Variants in HTR2C observed in about 807,000 individuals in gnomAD.
HTR2C encodes the protein 5-hydroxytryptamine (serotonin) receptor 2C, G protein-coupled.
A neutral mutation model predicts 21.0 loss-of-function variants in HTR2C; 5 were observed. That is an observed-to-expected ratio of 0.24 (90% CI 0.12 to 0.50). HTR2C has a LOEUF of 0.50. Among genes scored for constraint, HTR2C ranks in the 20% least tolerant of loss-of-function variants. HTR2C has a pLI of 0.98. For synonymous variants in HTR2C, 150 were observed against 145.3 expected (o/e 1.03, Z -0.23); for missense variants, 271 against 371.2 (o/e 0.73, Z 2.22).
intron 2 of HTR2C, among the ~76,000 whole-genome samples, chrX:114,656,164 C>T (rs782350472): frequency 9.0e-6 from 1 of 110,697 alleles, no homozygotes; most frequent in Non-Finnish European, 1.9e-5. Flanking sequence ...ATCACAGAAT[C>T]ACCTATCATT....
chrX:114,754,886 G>T (rs1346133890), intron 4 of HTR2C, among the ~76,000 whole-genome samples: 1 of 112,156 alleles, frequency 8.9e-6, no homozygotes, highest in East Asian at 2.8e-4. Context: ...TCCAACAAAA[G>T]AAGAATGTAT....
intron 2 of HTR2C, among the ~76,000 whole-genome samples, chrX:114,705,046 G>A (rs1169842559): frequency 6.7e-5 from 7 of 105,227 alleles, no homozygotes; most frequent in South Asian, 4.4e-4. Flanking sequence ...CACTGCTCAA[G>A]GAAATAAAAG....
At chrX:114,775,033 T>TC in intron 4 of HTR2C, 1 of 483,729 alleles carries the variant, frequency 2.1e-6, no homozygotes, top group Non-Finnish European at 3.8e-6. Flanking sequence ...ATCCAGCCAT[T>TC]TGATAACTTC....
intron 2 of HTR2C, among the ~76,000 whole-genome samples, chrX:114,634,698 C>T (rs1556404944): frequency 9.0e-6 from 1 of 110,903 alleles, no homozygotes. Flanking sequence ...GTTGTCCCAA[C>T]TACTAGGGAG....
chrX:114,646,341 A>C (rs2147830523), intron 2 of HTR2C, among the ~76,000 whole-genome samples: 1 of 112,113 alleles, frequency 8.9e-6, no homozygotes, highest in African/African-American at 3.2e-5. Context: ...GTTCAGACCT[A>C]TGATAAATAT....
At chrX:114,854,449 C>T (rs1326281390) in intron 5 of HTR2C, among the ~76,000 whole-genome samples, 2 of 110,660 alleles carry the variant, frequency 1.8e-5, no homozygotes, top group Non-Finnish European at 1.9e-5. Flanking sequence ...GGTACAAGTG[C>T]AGTTTTGATA....
At chrX:114,702,988 TC>T (rs1556417156) in intron 2 of HTR2C, among the ~76,000 whole-genome samples, 4 of 70,391 alleles carry the variant, frequency 5.7e-5, no homozygotes, top group African/African-American at 1.8e-4. Flanking sequence ...GGTAAAGGGA[TC>T]AGTTCAACAA....
At chrX:114,775,190 C>T in intron 4 of HTR2C, 1 of 521,384 alleles carries the variant, frequency 1.9e-6, no homozygotes, top group Admixed American at 2.3e-5. Context: ...TTATCTTCAG[C>T]TTTGTACTTC....
At chrX:114,760,032 C>T in intron 4 of HTR2C, among the ~76,000 whole-genome samples, 1 of 111,232 alleles carries the variant, frequency 9.0e-6, no homozygotes, top group Non-Finnish European at 1.9e-5. Flanking sequence ...TGGATGGCAC[C>T]CTCACTTTGG....
Position 114,821,221 on chromosome X carries a change from T to C in HTR2C, c.350-26782T>C, listed in dbSNP as rs1166852948. Among the ~76,000 whole-genome samples the C allele has an allele frequency of 4.6e-5, 4 of 87,159 alleles. No homozygotes were observed. In the East Asian group the frequency reaches 1.2e-3, roughly 27 times the overall value. The allele number at this position is 87,159 out of a possible 115,157, so 75.7% of individuals were successfully genotyped here. A position where few individuals can be genotyped will look rare whatever the true frequency, so the allele number is the denominator to read the frequency against. On this transcript the variant is annotated intron_variant, in intron 4 of 5. Coordinates refer to ENST00000276198, the MANE Select transcript of HTR2C (RefSeq NM_000868.4). ...ATTCACTAACTAGAGAAAGCAGATA[T>C]GAGTACGTACAGACTATCAGATCAC... is the stretch of plus-strand genomic sequence containing the variant.
chrX:114,682,078 A>G (rs1931765011), intron 2 of HTR2C, among the ~76,000 whole-genome samples: 1 of 111,444 alleles, frequency 9.0e-6, no homozygotes, highest in Non-Finnish European at 1.9e-5. Flanking sequence ...GCCACCTATA[A>G]AATTCAATTA....
intron 4 of HTR2C, among the ~76,000 whole-genome samples, chrX:114,762,580 A>G (rs4911871): frequency 0.15 from 17,111 of 111,460 alleles, 1,177 homozygotes; most frequent in South Asian, 0.32. Flanking sequence ...ATATCCCTAG[A>G]TAGATGGCAT....
intron 4 of HTR2C, among the ~76,000 whole-genome samples, chrX:114,813,962 G>C (rs2070558555): frequency 1.8e-5 from 2 of 111,435 alleles, no homozygotes; most frequent in South Asian, 7.5e-4. Context: ...ATATATGTAA[G>C]GTACTGAGAG....
intron 5 of HTR2C, among the ~76,000 whole-genome samples, chrX:114,887,636 A>G (rs1173286514): frequency 1.8e-5 from 2 of 111,148 alleles, no homozygotes; most frequent in African/African-American, 3.3e-5. Flanking sequence ...TTTGCTGGAT[A>G]TAGGATCCTT....
chrX:114,608,090 C>T (rs1206800733), intron 1 of HTR2C, among the ~76,000 whole-genome samples: 4 of 111,797 alleles, frequency 3.6e-5, no homozygotes, highest in African/African-American at 9.7e-5. Flanking sequence ...TATAACAATA[C>T]AGTCAGTCCC....
At chrX:114,708,844 T>C (rs1464638155) in intron 2 of HTR2C, among the ~76,000 whole-genome samples, 1 of 110,996 alleles carries the variant, frequency 9.0e-6, no homozygotes, top group African/African-American at 3.3e-5. Flanking sequence ...TCATATTTAA[T>C]GGACCAAAGA....
At chrX:114,770,279 A>G (rs1259402289) in intron 4 of HTR2C, among the ~76,000 whole-genome samples, 1 of 111,598 alleles carries the variant, frequency 9.0e-6, no homozygotes, top group Non-Finnish European at 1.9e-5. Context: ...AATTTCAGCC[A>G]TTGTTTTTTC....
chrX:114,838,489 T>A (rs782618348), intron 4 of HTR2C, among the ~76,000 whole-genome samples: 2 of 112,326 alleles, frequency 1.8e-5, no homozygotes, highest in East Asian at 5.6e-4. Context: ...TAAAGTCCTT[T>A]TGTATTTTCT....
At chrX:114,720,203 A>T (rs782181004) in intron 2 of HTR2C, among the ~76,000 whole-genome samples, 3 of 110,744 alleles carry the variant, frequency 2.7e-5, no homozygotes, top group Admixed American at 9.7e-5. Context: ...TCTCTCTCTC[A>T]CACAGAATAT....
Sources: allele counts gnomAD v4.1 joint callset (sites outside exome capture counted in the v4.1 genomes callset), GRCh38; gene constraint gnomAD v4.1.1; transcripts MANE v1.5; gene names NCBI Gene and HGNC (gene_info 2026-07-23, HGNC 2026-07-21).